The following NAV2 variants were observed in gnomAD, a reference collection of about 807,000 sequenced individuals.
NAV2 encodes the protein neuron navigator 2.
In NAV2, 54 loss-of-function variants were observed where a neutral mutation model predicts 223.2. The ratio of observed to expected loss-of-function variants is 0.24; its 90% CI spans 0.19 to 0.30. NAV2 has a LOEUF of 0.30. Ranked by LOEUF, NAV2 falls within the 10% of genes least tolerant of loss-of-function variation. The probability of loss-of-function intolerance (pLI) is 1.00; values close to 1 mark genes in which losing one functional copy is unlikely to be tolerated. For synonymous variants in NAV2, 1,279 were observed against 1,239.3 expected, an observed-to-expected ratio of 1.03 and a Z score of -0.67; for missense variants, 2,806 against 3,147.5, an observed-to-expected ratio of 0.89 and a Z score of 2.60.
rs1210980052 is a variant in NAV2 at position 19,713,431 on chromosome 11, A to C, written c.-265A>C. On this transcript the variant is annotated 5_prime_UTR_variant, in exon 1 of 38. Coordinates refer to ENST00000349880, the MANE Select transcript of NAV2 (RefSeq NM_145117.5). The surrounding 1 kb of genome is among the most constrained non-coding windows in gnomAD (Gnocchi z 7.2). ...GAGCTCTTGAAAGGCCACCCAGGAG[A>C]GGTGTGAGACCCGGCGGCAGCATCC... 1 of 1,259,464 alleles carries C rather than the reference A, an allele frequency of 7.9e-7. No individual in the cohort carries two copies. The highest frequency in any genetic ancestry group is 3.1e-5 in the East Asian group (1 of 31,896). The allele number at this position is 1,259,464 out of a possible 1,614,324, so 78.0% of individuals were successfully genotyped here.
At chr11:19,959,335 A>G (rs2048160694) in intron 10 of NAV2, among the ~76,000 whole-genome samples, 1 of 152,206 alleles carries the variant, frequency 6.6e-6, no homozygotes, top group African/African-American at 2.4e-5. Flanking sequence ...CTGCGTGTCC[A>G]TAGTTCATTG....
chr11:19,752,038 T>A (rs2053866646), intron 1 of NAV2, among the ~76,000 whole-genome samples: 1 of 152,194 alleles, frequency 6.6e-6, no homozygotes, highest in Non-Finnish European at 1.5e-5. Context: ...TCACCGTCCC[T>A]CTGAAAATAG....
chr11:19,825,666 G>A (rs1391597466), intron 1 of NAV2, among the ~76,000 whole-genome samples: 1 of 152,168 alleles, frequency 6.6e-6, no homozygotes, highest in African/African-American at 2.4e-5. Flanking sequence ...GGCTTCATTT[G>A]AGGGCTAATT....
chr11:19,417,157 G>A (rs1476902614), intron 1 of NAV2, among the ~76,000 whole-genome samples: 2 of 152,072 alleles, frequency 1.3e-5, no homozygotes, highest in African/African-American at 4.8e-5. Flanking sequence ...GAATGAACAG[G>A]CAACCTACAG....
chr11:19,675,790 G>A (rs534529047), intron 1 of NAV2, among the ~76,000 whole-genome samples: 6 of 152,212 alleles, frequency 3.9e-5, no homozygotes, highest in South Asian at 4.2e-4. Context: ...AAGTCCCCTC[G>A]AAACTAATTG....
chr11:19,667,111 C>T (rs2048434634), intron 1 of NAV2, among the ~76,000 whole-genome samples: 1 of 152,150 alleles, frequency 6.6e-6, no homozygotes, highest in Non-Finnish European at 1.5e-5. Flanking sequence ...AAGCTGCTAG[C>T]TGTGTGGACA....
intron 1 of NAV2, among the ~76,000 whole-genome samples, chr11:19,397,626 A>T (rs991250627): frequency 2.6e-5 from 4 of 152,116 alleles, no homozygotes; most frequent in Non-Finnish European, 4.4e-5. Context: ...ACAACAAACA[A>T]GTATTGGTTT....
rs1590990479 is a variant in NAV2, at chr11:19,871,505, G to A, written c.511+2508G>A. Among the ~76,000 whole-genome samples the A allele has an allele frequency of 2.6e-5, 4 of 152,258 alleles. 1 individual carries two copies. The highest frequency in any genetic ancestry group is 2.6e-4 in the Admixed American group (4 of 15,302). On this transcript the variant is annotated intron_variant, in intron 4 of 37. Transcript: ENST00000349880. ...GTCCTCAGTATACATCACTGCCACT[G>A]TCTCAGCTGGTAGTCTCAGCAGGCC...
chr11:19,662,886 C>T (rs1214709239), intron 1 of NAV2, among the ~76,000 whole-genome samples: 1 of 152,224 alleles, frequency 6.6e-6, no homozygotes, highest in Non-Finnish European at 1.5e-5. Context: ...CAGATGATGC[C>T]TGCTAGGGCC....
At chr11:19,567,101 C>T (rs2045291011) in intron 1 of NAV2, among the ~76,000 whole-genome samples, 1 of 152,206 alleles carries the variant, frequency 6.6e-6, no homozygotes, top group African/African-American at 2.4e-5. Flanking sequence ...TCTGTCTCCA[C>T]CATGTTCCAG....
At chr11:19,948,599 G>T (rs1325487914) in intron 9 of NAV2, 92 bp from the exon 10 acceptor site, 3 of 1,326,976 alleles carry the variant, frequency 2.3e-6, no homozygotes, top group Admixed American at 5.1e-5. Context: ...TATATATGAG[G>T]ATTATTTCAT....
At chr11:19,548,297 C>T (rs952668211) in intron 1 of NAV2, among the ~76,000 whole-genome samples, 11 of 152,174 alleles carry the variant, frequency 7.2e-5, no homozygotes, top group Admixed American at 1.3e-4. Context: ...AGAGAGAATT[C>T]GGTTATTACC....
intron 1 of NAV2, among the ~76,000 whole-genome samples, chr11:19,692,936 G>T (rs1207005192): frequency 6.6e-6 from 1 of 152,230 alleles, no homozygotes; most frequent in East Asian, 1.9e-4. Context: ...GCTCCAAACC[G>T]AGGGAACAGG....
intron 11 of NAV2, among the ~76,000 whole-genome samples, chr11:19,990,584 C>T (rs1443983398): frequency 2.0e-5 from 3 of 151,986 alleles, no homozygotes; most frequent in East Asian, 1.9e-4. Flanking sequence ...ATCTTCCCAC[C>T]GTCATCAAGT....
upstream of NAV2, among the ~76,000 whole-genome samples, chr11:19,708,449 T>G (rs1461145413): frequency 6.6e-6 from 1 of 152,170 alleles, no homozygotes; most frequent in South Asian, 2.1e-4. Flanking sequence ...GCTGTAGACT[T>G]TTCCCCCCAA....
At chr11:19,514,897 G>T (rs887045677) in intron 1 of NAV2, among the ~76,000 whole-genome samples, 1 of 152,180 alleles carries the variant, frequency 6.6e-6, no homozygotes, top group Non-Finnish European at 1.5e-5. Context: ...GGGCCTCTGA[G>T]CTGTTTAATT....
At chr11:19,667,488 AGAG>A (rs896299465) in intron 1 of NAV2, among the ~76,000 whole-genome samples, 52 of 152,328 alleles carry the variant, frequency 3.4e-4, no homozygotes, top group African/African-American at 1.3e-3. Context: ...AACAGAGTGA[AGAG>A]GAGGAGACAA....
At chr11:19,628,994 G>A (rs918987907) in intron 1 of NAV2, among the ~76,000 whole-genome samples, 2 of 152,118 alleles carry the variant, frequency 1.3e-5, no homozygotes, top group Non-Finnish European at 2.9e-5. Flanking sequence ...GCCCACCTTT[G>A]TTCCAAAATT....
At chr11:19,590,832 T>C (rs1405861410) in intron 1 of NAV2, among the ~76,000 whole-genome samples, 1 of 152,246 alleles carries the variant, frequency 6.6e-6, no homozygotes, top group Non-Finnish European at 1.5e-5. Context: ...AGGGTCATCT[T>C]AGTTCCTCCA....
Sources: gnomAD v4.1 joint callset for allele counts (sites outside exome capture counted in the v4.1 genomes callset) on GRCh38, gnomAD v4.1.1 for gene constraint, Gnocchi (gnomAD v3.1) non-coding constraint, MANE v1.5 for transcripts, NCBI Gene and HGNC (gene_info 2026-07-23, HGNC 2026-07-21) for gene names.